Variants in IGFL4 observed in about 807,000 individuals in gnomAD.
IGFL4 encodes the protein IGF like family member 4, also known as insulin growth factor-like family member 4.
Under a neutral mutation model 15.4 loss-of-function variants are expected in IGFL4, and 12 were observed. The ratio of observed to expected loss-of-function variants is 0.78; its 90% CI spans 0.50 to 1.26. IGFL4 has a LOEUF of 1.26. Ranked by LOEUF, IGFL4 falls within the 50% of genes most tolerant of loss-of-function variation. The pLI is 0.00. For missense variants in IGFL4, 126 were observed against 147.8 expected, an observed-to-expected ratio of 0.85 and a Z score of 0.76; for synonymous variants, 54 against 55.9, an observed-to-expected ratio of 0.97 and a Z score of 0.16.
intron 2 of IGFL4, chr19:46,058,074 T>G (rs1460240405): frequency 2.0e-5 from 3 of 151,998 alleles, no homozygotes; most frequent in Admixed American, 2.0e-4. Context: ...AATTCTTAAC[T>G]CATTTCAGCA....
intron 2 of IGFL4, among the ~76,000 whole-genome samples, chr19:46,055,817 C>CCT (rs1253743897): frequency 6.6e-6 from 1 of 152,096 alleles, no homozygotes; most frequent in Non-Finnish European, 1.5e-5. Flanking sequence ...CATTCTGTTG[C>CCT]CCAGGCTGGA....
chr19:46,058,468 G>A (rs1279014617), intron 2 of IGFL4: 1 of 152,394 alleles, frequency 6.6e-6, no homozygotes, highest in Admixed American at 6.5e-5. Context: ...TAAGCTGTTG[G>A]TGGATCTACC....
chr19:46,075,469 AG>A (rs1297920106), intron 1 of IGFL4, among the ~76,000 whole-genome samples: 2 of 152,192 alleles, frequency 1.3e-5, no homozygotes, highest in Non-Finnish European at 2.9e-5. Context: ...GATCCTTACC[AG>A]GGTCTGAAGG....
chr19:46,074,013 T>C (rs977973821), intron 1 of IGFL4, among the ~76,000 whole-genome samples: 2 of 152,146 alleles, frequency 1.3e-5, no homozygotes, highest in Non-Finnish European at 2.9e-5. Context: ...TACTTGGGAA[T>C]GTCTCAGTGG....
Position 46,040,413 on chromosome 19 carries a change from A to C in IGFL4, c.74T>G (p.Leu25Arg), listed in dbSNP as rs10412490. The C allele has an allele frequency of 9.9e-6, 16 of 1,613,928 alleles. No individual in the cohort carries two copies. In the East Asian group the frequency reaches 3.3e-4, roughly 34 times the overall value. ...LGSNSEGVTD[L>R]RLWLCQPAPR... ...CGCTGGCTGGCATAGCCACAGTCTA[A>C]GATCTGGAAGAGTCGGGGCTGGATG... Residue 25 changes from leucine (L) to arginine (R), a missense_variant, in exon 3 of 4, where the codon CTT (leucine) becomes CGT (arginine). Physicochemically the swap from Leu to Arg is moderately radical, Grantham distance 102. Coordinates refer to ENST00000377697, the MANE Select transcript of IGFL4 (RefSeq NM_001002923.3). The surrounding 1 kb of genome is among the most constrained non-coding windows in gnomAD (Gnocchi z 4.1).
upstream of IGFL4, among the ~76,000 whole-genome samples, chr19:46,077,334 A>G (rs555891615): frequency 5.3e-4 from 80 of 152,122 alleles, no homozygotes; most frequent in South Asian, 1.0e-3. This position sits in a 1 kb window ranked among gnomAD's most constrained non-coding sequence, Gnocchi z 5.4. Context: ...CCCGTGGAAG[A>G]TGCACCTGTG....
At chr19:46,052,720 CAAA>C (rs5828263) in intron 2 of IGFL4, among the ~76,000 whole-genome samples, 1 of 145,418 alleles carries the variant, frequency 6.9e-6, no homozygotes, top group Non-Finnish European at 1.5e-5. Flanking sequence ...GAAACTCCGT[CAAA>C]AAAAAAAAAA....
chr19:46,074,561 T>TG lies in IGFL4; in HGVS notation c.-432+2458dup, dbSNP rs201012616. On this transcript the variant is annotated intron_variant, in intron 1 of 5. Coordinates refer to the IGFL4 transcript ENST00000601672. ...GTCCGAGTCCCAAAGCTGAAGAACTTGGAGTCTGATATTTGAGAACTTGGA... is the reference window on the plus strand; with the variant it reads ...GTCCGAGTCCCAAAGCTGAAGAACTTGGGAGTCTGATATTTGAGAACTTGGA... Among the ~76,000 whole-genome samples, 72 of 152,094 alleles carry TG rather than the reference T, an allele frequency of 4.7e-4. 1 individual carries two copies. In the East Asian group the frequency reaches 0.012, roughly 25 times the overall value.
upstream of IGFL4, among the ~76,000 whole-genome samples, chr19:46,041,837 C>CTTTT (rs11334515): frequency 0.017 from 1,864 of 109,822 alleles, 56 homozygotes; most frequent in African/African-American, 0.059. Flanking sequence ...TCCTCTCTCT[C>CTTTT]TTTTTTTTTT....
chr19:46,055,309 C>T (rs1329844091), intron 2 of IGFL4, among the ~76,000 whole-genome samples: 2 of 151,664 alleles, frequency 1.3e-5, no homozygotes, highest in African/African-American at 4.8e-5. Context: ...CCAGGCTGGC[C>T]TCTAACTTCA....
intron 2 of IGFL4, among the ~76,000 whole-genome samples, chr19:46,055,840 G>T (rs1969388115): frequency 6.6e-6 from 1 of 152,146 alleles, no homozygotes; most frequent in Non-Finnish European, 1.5e-5. Context: ...GCAGTGGCAT[G>T]ATCTTGGCTC....
rs568553254 is a variant in IGFL4, at chr19:46,051,544, C to CA, written c.-323+8640dup. Reference sequence around the variant, plus strand: ...TGGGTGACGGAGTGAGACTTTGTCTCAAAAAACAAAACAAAACAAAACAAA... The same window carrying CA: ...TGGGTGACGGAGTGAGACTTTGTCTCAAAAAAACAAAACAAAACAAAACAAA... On this transcript the variant is annotated intron_variant, in intron 2 of 5. Coordinates refer to the IGFL4 transcript ENST00000601672. Among the ~76,000 whole-genome samples, 642 of 151,632 alleles carry CA rather than the reference C, an allele frequency of 4.2e-3. 2 individuals are homozygous for CA. Among genetic ancestry groups the CA allele is most frequent in the Non-Finnish European group, 7.2e-3 (488 of 67,950 alleles).
chr19:46,069,442 A>G (rs2146528629), intron 1 of IGFL4, among the ~76,000 whole-genome samples: 1 of 152,302 alleles, frequency 6.6e-6, no homozygotes, highest in African/African-American at 2.4e-5. Context: ...GATAATTTTT[A>G]TCATGCTTCC....
upstream of IGFL4, chr19:46,041,046 A>G: frequency 1.5e-6 from 2 of 1,292,432 alleles, no homozygotes; most frequent in South Asian, 2.8e-5. Context: ...TAGGATATGA[A>G]CTTACCGCCA....
At chr19:46,044,092 G>A (rs933186219), upstream of IGFL4, among the ~76,000 whole-genome samples, 2 of 152,160 alleles carry the variant, frequency 1.3e-5, no homozygotes, top group Non-Finnish European at 1.5e-5. Context: ...TGGAGGTATG[G>A]GGACTCCTGC....
At chr19:46,066,723 G>A (rs895373057) in intron 1 of IGFL4, among the ~76,000 whole-genome samples, 1 of 152,128 alleles carries the variant, frequency 6.6e-6, no homozygotes, top group Non-Finnish European at 1.5e-5. Context: ...ACCAGATCTT[G>A]CAAGAACCCA....
rs925840559 is a variant in IGFL4, at chr19:46,040,852, T to C, written c.19+92A>G. 4.1e-6 allele frequency: 5 copies of C among 1,225,362 alleles called. No individual in the cohort carries two copies. Among genetic ancestry groups the C allele is most frequent in the Non-Finnish European group, 5.9e-6 (5 of 851,390 alleles). The allele number at this position is 1,225,362 out of a possible 1,614,324, so 75.9% of individuals were successfully genotyped here. A position where few individuals can be genotyped will look rare whatever the true frequency, so the allele number is the denominator to read the frequency against. ...ATGAGGTGGGACACCAATAATTAAATAGGGAAGAGAGAATTAACTTTGAAG... is the reference window on the plus strand; with the variant it reads ...ATGAGGTGGGACACCAATAATTAAACAGGGAAGAGAGAATTAACTTTGAAG... On this transcript the variant is annotated intron_variant, in intron 1 of 3. Transcript: ENST00000377697. This position sits in a 1 kb window ranked among gnomAD's most constrained non-coding sequence, Gnocchi z 4.1.
At position 46,040,161 on chromosome 19, in the gene IGFL4, G is replaced by A. The variant is rs776144906; in HGVS notation, c.326C>T (p.Ala109Val). Reference sequence around the variant, plus strand: ...GGACTGGAGTCAGATCCTTACCTGGGCACAGATCCTGGTGATAGGGGAGGA... The same window carrying A: ...GGACTGGAGTCAGATCCTTACCTGGACACAGATCCTGGTGATAGGGGAGGA... ...CKSSPITRIC[A>V]QEYHPKSPVS... The change falls in exon 3 of 4, where the codon GCC becomes GTC. Residue 109 changes from alanine to valine, a missense_variant. By Grantham distance (64) the Ala-to-Val change is moderately conservative (BLOSUM62 0). Transcript: ENST00000377697. The surrounding 1 kb of genome is among the most constrained non-coding windows in gnomAD (Gnocchi z 4.1). 12 of 1,613,632 alleles carry A rather than the reference G, an allele frequency of 7.4e-6. No homozygotes were observed. Among genetic ancestry groups the A allele is most frequent in the Non-Finnish European group, 1.0e-5 (12 of 1,179,996 alleles).
intron 2 of IGFL4, among the ~76,000 whole-genome samples, chr19:46,047,478 C>T (rs1419258412): frequency 1.3e-5 from 2 of 151,890 alleles, no homozygotes; most frequent in Admixed American, 6.6e-5. Flanking sequence ...TTAATGAATC[C>T]AGGAGCTGTT....
Sources: gnomAD v4.1 joint callset for allele counts (sites outside exome capture counted in the v4.1 genomes callset) on GRCh38, gnomAD v4.1.1 for gene constraint, Gnocchi (gnomAD v3.1) non-coding constraint, MANE v1.5 for transcripts, NCBI Gene and HGNC (gene_info 2026-07-23, HGNC 2026-07-21) for gene names.